Variants in CTNNA2 observed in about 807,000 individuals in gnomAD.
CTNNA2 encodes catenin alpha 2, also known as catenin alpha-2.
Under a neutral mutation model 101.0 loss-of-function variants are expected in CTNNA2, and 42 were observed. The observed-to-expected ratio is 0.42, with a 90% CI of 0.32 to 0.54. The LOEUF (loss-of-function observed/expected upper bound fraction) is 0.54, where lower values mean the gene tolerates loss of function less well. Ranked by LOEUF, CTNNA2 falls within the 20% of genes least tolerant of loss-of-function variation. The probability of loss-of-function intolerance (pLI) is 0.14; values close to 1 mark genes in which losing one functional copy is unlikely to be tolerated. For missense variants in CTNNA2, 871 were observed against 1,223.1 expected (o/e 0.71, Z 4.29); for synonymous variants, 450 against 456.4 (o/e 0.99, Z 0.18).
At chr2:79,402,388 T>C (rs2104482026) in intron 4 of CTNNA2, among the ~76,000 whole-genome samples, 1 of 151,980 alleles carries the variant, frequency 6.6e-6, no homozygotes, top group Middle Eastern at 3.4e-3. Flanking sequence ...GCAGGGGATG[T>C]GTCTCAAGAC....
chr2:80,627,116 G>A (rs570758290), intron 18 of CTNNA2, among the ~76,000 whole-genome samples: 1 of 152,198 alleles, frequency 6.6e-6, no homozygotes, highest in Non-Finnish European at 1.5e-5. Flanking sequence ...TTCTATCATT[G>A]ATGGGCATTT....
intron 3 of CTNNA2, among the ~76,000 whole-genome samples, chr2:79,359,486 C>T (rs1050337090): frequency 6.6e-6 from 1 of 152,098 alleles, no homozygotes; most frequent in Non-Finnish European, 1.5e-5. Flanking sequence ...GTTATAATGC[C>T]ATAAATGTGT....
intron 6 of CTNNA2, among the ~76,000 whole-genome samples, chr2:79,897,012 A>G (rs977110986): frequency 6.6e-6 from 1 of 152,350 alleles, no homozygotes; most frequent in African/African-American, 2.4e-5. Flanking sequence ...AAGGCCAGGC[A>G]TCTTAGTCAT....
At chr2:79,869,989 C>T in intron 5 of CTNNA2, 54 bp downstream of exon 5, 1 of 1,596,110 alleles carries the variant, frequency 6.3e-7, no homozygotes, top group Non-Finnish European at 8.5e-7. Flanking sequence ...TTAAATAACC[C>T]TGTAGCTTTT....
chr2:79,643,862 G>C (rs761544200), intron 1 of CTNNA2, among the ~76,000 whole-genome samples: 6 of 152,012 alleles, frequency 3.9e-5, no homozygotes, highest in Non-Finnish European at 8.8e-5. Flanking sequence ...GCTCCCAGAG[G>C]CCACCCACAT....
At chr2:80,260,831 A>G (rs1672552958) in intron 7 of CTNNA2, among the ~76,000 whole-genome samples, 1 of 152,250 alleles carries the variant, frequency 6.6e-6, no homozygotes, top group Admixed American at 6.5e-5. Flanking sequence ...TCGTAATTGA[A>G]TTAAGCATTT....
chr2:79,991,452 T>C lies in CTNNA2; in HGVS notation c.1056+81655T>C, dbSNP rs1205266255. ...CCTTGCGCAGGTGACTTAATTTCTCTAGATCTCCCCTAGAGAAGAAAATTC... is the reference window on the plus strand; with the variant it reads ...CCTTGCGCAGGTGACTTAATTTCTCCAGATCTCCCCTAGAGAAGAAAATTC... On this transcript the variant is annotated intron_variant, in intron 7 of 18. Coordinates refer to ENST00000402739, the MANE Select transcript of CTNNA2 (RefSeq NM_001282597.3). Among the ~76,000 whole-genome samples the C allele has an allele frequency of 3.3e-5, 5 of 152,292 alleles. No homozygotes were observed. In the East Asian group the frequency reaches 9.7e-4, roughly 29 times the overall value.
chr2:79,576,290 T>G (rs1675793664), intron 1 of CTNNA2, among the ~76,000 whole-genome samples: 1 of 152,176 alleles, frequency 6.6e-6, no homozygotes, highest in African/African-American at 2.4e-5. Context: ...AGAAGAATTT[T>G]ACAAAAAGAG....
At chr2:80,528,305 T>C (rs999402785) in intron 9 of CTNNA2, among the ~76,000 whole-genome samples, 2 of 152,150 alleles carry the variant, frequency 1.3e-5, no homozygotes, top group Non-Finnish European at 2.9e-5. Flanking sequence ...CAAGCAATTC[T>C]CCTGCCTCAG....
At chr2:79,340,848 A>AG (rs1203951719) in intron 3 of CTNNA2, among the ~76,000 whole-genome samples, 2 of 149,476 alleles carry the variant, frequency 1.3e-5, no homozygotes, top group African/African-American at 2.4e-5. Flanking sequence ...AAAAAAAAAA[A>AG]AAAAAAGAAA....
At chr2:80,559,456 G>T (rs796341802) in intron 12 of CTNNA2, among the ~76,000 whole-genome samples, 32 of 152,284 alleles carry the variant, frequency 2.1e-4, no homozygotes, top group African/African-American at 7.0e-4. Flanking sequence ...GGTGCCCAAA[G>T]AGTGATAACA....
Position 79,581,653 on chromosome 2 carries a change from C to T in CTNNA2, c.-6+68446C>T, listed in dbSNP as rs577396341. Among the ~76,000 whole-genome samples, 5 of 152,216 alleles carry T rather than the reference C, an allele frequency of 3.3e-5. No individual in the cohort carries two copies. In the South Asian group the frequency reaches 1.0e-3, roughly 32 times the overall value. On this transcript the variant is annotated intron_variant, in intron 1 of 18. Coordinates refer to ENST00000402739, the MANE Select transcript of CTNNA2 (RefSeq NM_001282597.3). Reference sequence around the variant, plus strand: ...ATCTTAATATTCATAAGCCTGTTCACAACAGTATGCCTTTTCATTATCAGC... The same window carrying T: ...ATCTTAATATTCATAAGCCTGTTCATAACAGTATGCCTTTTCATTATCAGC...
chr2:79,669,410 C>T (rs1682665720), intron 2 of CTNNA2, among the ~76,000 whole-genome samples: 1 of 152,150 alleles, frequency 6.6e-6, no homozygotes, highest in Non-Finnish European at 1.5e-5. Flanking sequence ...ATTTTTCTGG[C>T]TGGAAACCTC....
intron 4 of CTNNA2, among the ~76,000 whole-genome samples, chr2:79,500,996 T>A (rs1221296323): frequency 6.6e-6 from 1 of 152,202 alleles, no homozygotes. Flanking sequence ...TGTGGTGTAC[T>A]TTTTATTTTA....
chr2:80,111,253 C>A (rs1342362006), intron 7 of CTNNA2, among the ~76,000 whole-genome samples: 1 of 152,174 alleles, frequency 6.6e-6, no homozygotes, highest in East Asian at 1.9e-4. Flanking sequence ...CTTTTAAAAT[C>A]TTCTACATTC....
chr2:79,563,185 ATATT>A (rs5832395), intron 1 of CTNNA2, among the ~76,000 whole-genome samples: 34,097 of 91,054 alleles, frequency 0.37, 4,432 homozygotes, highest in Non-Finnish European at 0.45. Flanking sequence ...ATATATATAT[ATATT>A]TTCCTTCATT....
At position 79,609,378 on chromosome 2, in the gene CTNNA2, A is replaced by G. The variant is rs566181874; in HGVS notation, c.-5-42174A>G. Among the ~76,000 whole-genome samples, 3 of 152,122 alleles carry G rather than the reference A, an allele frequency of 2.0e-5. No individual in the cohort carries two copies. The East Asian group carries it at 5.8e-4, about 29-fold the overall frequency. On this transcript the variant is annotated intron_variant, in intron 1 of 18. Coordinates refer to ENST00000402739, the MANE Select transcript of CTNNA2 (RefSeq NM_001282597.3). ...TTTATGTGCTGTATCTGTTCACCCTACTTCAAATTGATTATATGCAATCTC... is the reference window on the plus strand; with the variant it reads ...TTTATGTGCTGTATCTGTTCACCCTGCTTCAAATTGATTATATGCAATCTC...
At chr2:79,930,328 G>GAA (rs1687346339) in intron 7 of CTNNA2, among the ~76,000 whole-genome samples, 1 of 144,230 alleles carries the variant, frequency 6.9e-6, no homozygotes, top group African/African-American at 2.7e-5. Context: ...AAGAAAGAAA[G>GAA]AAAGAAAGAA....
intron 3 of CTNNA2, among the ~76,000 whole-genome samples, chr2:79,854,757 A>G (rs1680997714): frequency 6.6e-6 from 1 of 152,224 alleles, no homozygotes; most frequent in African/African-American, 2.4e-5. Flanking sequence ...TTAGGTCTAT[A>G]ATCAAGTACA....
Sources: allele counts gnomAD v4.1 joint callset (sites outside exome capture counted in the v4.1 genomes callset), GRCh38; gene constraint gnomAD v4.1.1; transcripts MANE v1.5; gene names NCBI Gene and HGNC (gene_info 2026-07-23, HGNC 2026-07-21).